The following PACRG variants were observed in gnomAD, a reference collection of about 807,000 sequenced individuals.
PACRG encodes the protein parkin coregulated, also known as parkin coregulated gene protein.
In PACRG, 29 loss-of-function variants were observed where a neutral mutation model predicts 29.7. That is an observed-to-expected ratio of 0.98 (90% confidence interval 0.73 to 1.33). The LOEUF is 1.33. Ranked by LOEUF, PACRG falls within the 40% of genes most tolerant of loss-of-function variation. The pLI is 0.00. For synonymous variants in PACRG, 116 were observed against 118.7 expected (o/e 0.98, Z 0.15); for missense variants, 279 against 316.2 (o/e 0.88, Z 0.89).
intron 3 of PACRG, among the ~76,000 whole-genome samples, chr6:163,082,104 A>G (rs1378876201): frequency 6.6e-6 from 1 of 152,194 alleles, no homozygotes; most frequent in Non-Finnish European, 1.5e-5. Context: ...TTGTGTGTAT[A>G]TTATCAATAA....
At chr6:163,309,645 T>C (rs1277357296) in intron 4 of PACRG, among the ~76,000 whole-genome samples, 3 of 152,238 alleles carry the variant, frequency 2.0e-5, no homozygotes, top group African/African-American at 7.2e-5. Context: ...AGGTGGTTTT[T>C]AATGGAGTTT....
intron 2 of PACRG, among the ~76,000 whole-genome samples, chr6:162,834,775 A>T (rs528832737): frequency 6.6e-6 from 1 of 152,054 alleles, no homozygotes; most frequent in South Asian, 2.1e-4. Context: ...TGTTACTTTG[A>T]TGTAATGAAA....
intron 4 of PACRG, chr6:163,183,027 T>C (rs548782980): frequency 6.6e-6 from 1 of 152,380 alleles, no homozygotes; most frequent in Non-Finnish European, 1.5e-5. Flanking sequence ...CTTGAAACTA[T>C]GTGGGTGATC....
At chr6:162,998,977 A>G (rs1397164188) in intron 2 of PACRG, among the ~76,000 whole-genome samples, 3 of 152,184 alleles carry the variant, frequency 2.0e-5, no homozygotes, top group Non-Finnish European at 4.4e-5. Flanking sequence ...TGTACTTTGT[A>G]TTCCTTCTGC....
At chr6:162,851,907 A>G (rs1163019573) in intron 2 of PACRG, among the ~76,000 whole-genome samples, 1 of 151,186 alleles carries the variant, frequency 6.6e-6, no homozygotes, top group East Asian at 2.0e-4. Flanking sequence ...TATAGAAGGA[A>G]AAAGAAAGAA....
intron 2 of PACRG, among the ~76,000 whole-genome samples, chr6:162,862,436 C>G (rs1791941164): frequency 6.6e-6 from 1 of 152,146 alleles, no homozygotes; most frequent in South Asian, 2.1e-4. Context: ...AAAGGAGATG[C>G]CTGAAAAGGC....
chr6:163,253,955 G>A (rs567969532), intron 4 of PACRG, among the ~76,000 whole-genome samples: 72 of 152,324 alleles, frequency 4.7e-4, no homozygotes, highest in African/African-American at 1.7e-3. Context: ...GTGGACGGCT[G>A]CAGTGGCACC....
chr6:162,933,601 CTTTT>C (rs71008119), intron 2 of PACRG, among the ~76,000 whole-genome samples: 8 of 74,600 alleles, frequency 1.1e-4, no homozygotes, highest in Non-Finnish European at 1.7e-4. Context: ...CTTTCTGTAT[CTTTT>C]TTTTTTTTTT....
In PACRG at chr6:162,777,415, C is replaced by T. The variant is rs966631209; in HGVS notation, c.157-36732C>T. Among the ~76,000 whole-genome samples, 15 of 152,328 alleles carry T rather than the reference C, an allele frequency of 9.8e-5. No individual in the cohort carries two copies. Among genetic ancestry groups the T allele is most frequent in the East Asian group, 7.7e-4 (4 of 5,174 alleles). On this transcript the variant is annotated intron_variant, in intron 1 of 4. Transcript: ENST00000366888. This position sits in a 1 kb window ranked among gnomAD's most constrained non-coding sequence, Gnocchi z 4.0. ...CAGACACTGCCATTTCCAACATTTT[C>T]ATTCCGGATTTCAGAATTCCCATCA... is the stretch of plus-strand genomic sequence containing the variant.
chr6:162,915,451 C>G (rs1796634786), intron 2 of PACRG, among the ~76,000 whole-genome samples: 1 of 151,796 alleles, frequency 6.6e-6, no homozygotes, highest in African/African-American at 2.4e-5. Flanking sequence ...TAAAAAACAC[C>G]AGGAGCCTGG....
chr6:162,806,169 C>T (rs1348489831), intron 1 of PACRG, among the ~76,000 whole-genome samples: 2 of 151,018 alleles, frequency 1.3e-5, no homozygotes, highest in Non-Finnish European at 2.9e-5. Context: ...AGTGCAATAG[C>T]ACAATCTCAG....
chr6:163,006,133 A>G (rs1050102058), intron 2 of PACRG, among the ~76,000 whole-genome samples: 1 of 143,354 alleles, frequency 7.0e-6, no homozygotes, highest in Non-Finnish European at 1.5e-5. Flanking sequence ...CATATATATT[A>G]TATATTATTA....
At chr6:163,240,738 G>A (rs1189277260) in intron 4 of PACRG, among the ~76,000 whole-genome samples, 2 of 152,216 alleles carry the variant, frequency 1.3e-5, no homozygotes, top group African/African-American at 4.8e-5. Flanking sequence ...ACAGCCGACT[G>A]TGCCGTCCTC....
chr6:162,728,503 C>G, intron 1 of PACRG, 112 bp downstream of exon 1: 1 of 1,317,496 alleles, frequency 7.6e-7, no homozygotes, highest in Non-Finnish European at 1.0e-6. Context: ...GTGGTCTTTG[C>G]CAAAAAAGGC....
intron 2 of PACRG, chr6:162,957,214 C>A: frequency 2.5e-6 from 1 of 401,536 alleles, no homozygotes; most frequent in South Asian, 2.4e-5. Flanking sequence ...CCAGCTTATG[C>A]CTTCAACACT....
chr6:162,731,021 T>C (rs1033720110), intron 1 of PACRG, among the ~76,000 whole-genome samples: 1 of 152,190 alleles, frequency 6.6e-6, no homozygotes, highest in African/African-American at 2.4e-5. Context: ...CCCAGGGTTA[T>C]GGTGACAGAG....
At position 162,981,904 on chromosome 6, in the gene PACRG, G is replaced by GA. The variant is rs201718584; in HGVS notation, c.292-80245dup. 4.6e-3 allele frequency among the ~76,000 whole-genome samples: 601 copies of GA among 129,358 alleles called. 6 individuals are homozygous for GA. The highest frequency in any genetic ancestry group is 0.013 in the African/African-American group (339 of 26,900). 84.9% of individuals were successfully genotyped at this position (129,358 alleles called of 152,430 possible). ...TCAGCTGTGAATCCATCTGGTCCTG[G>GA]ATTTTTTTTTTTTTTTTTTGGTTGA... On this transcript the variant is annotated intron_variant, in intron 2 of 4. Coordinates refer to ENST00000366888, the MANE Select transcript of PACRG (RefSeq NM_001080379.2).
intron 2 of PACRG, among the ~76,000 whole-genome samples, chr6:162,997,999 T>C (rs1252290301): frequency 1.3e-5 from 2 of 152,226 alleles, no homozygotes; most frequent in Non-Finnish European, 2.9e-5. Context: ...TTAAACAAGT[T>C]ACTTAGCCTC....
At chr6:163,063,272 C>T (rs1387565840) in intron 3 of PACRG, among the ~76,000 whole-genome samples, 2 of 152,200 alleles carry the variant, frequency 1.3e-5, no homozygotes, top group Non-Finnish European at 2.9e-5. Flanking sequence ...ACTTTCACCC[C>T]CTGGATCCAG....
Sources: allele counts gnomAD v4.1 joint callset (sites outside exome capture counted in the v4.1 genomes callset), GRCh38; gene constraint gnomAD v4.1.1; non-coding constraint Gnocchi (gnomAD v3.1); transcripts MANE v1.5; gene names NCBI Gene and HGNC (gene_info 2026-07-23, HGNC 2026-07-21).